Variants in PRR5L observed in about 807,000 individuals in gnomAD.
The protein encoded by PRR5L is proline-rich protein 5-like.
Under a neutral mutation model 36.4 loss-of-function variants are expected in PRR5L, and 21 were observed. The observed-to-expected ratio is 0.58, with a 90% confidence interval of 0.41 to 0.83. The LOEUF (loss-of-function observed/expected upper bound fraction) is 0.83. PRR5L is among the 40% of genes least tolerant of loss of function. PRR5L has a pLI of 0.00. For missense variants in PRR5L, 381 were observed against 473.3 expected (o/e 0.80, Z 1.81); for synonymous variants, 188 against 197.0 (o/e 0.95, Z 0.38).
intron 1 of PRR5L, among the ~76,000 whole-genome samples, chr11:36,379,169 TTAATG>T (rs2133524384): frequency 6.6e-6 from 1 of 152,374 alleles, no homozygotes; most frequent in African/African-American, 2.4e-5. Flanking sequence ...GCTCCTTGAC[TTAATG>T]TATCTTCAGC....
intron 1 of PRR5L, among the ~76,000 whole-genome samples, chr11:36,333,294 A>G (rs536074494): frequency 5.6e-4 from 86 of 152,310 alleles, no homozygotes; most frequent in African/African-American, 2.0e-3. Context: ...TGGGGATGGA[A>G]AATGACACAC....
At chr11:36,422,382 C>T (rs1481779880) in intron 4 of PRR5L, among the ~76,000 whole-genome samples, 1 of 152,100 alleles carries the variant, frequency 6.6e-6, no homozygotes, top group Non-Finnish European at 1.5e-5. Flanking sequence ...GGAATGGAAC[C>T]CAGGGGTGGA....
chr11:36,338,672 G>A (rs1038602181), intron 1 of PRR5L, among the ~76,000 whole-genome samples: 1 of 152,056 alleles, frequency 6.6e-6, no homozygotes, highest in Non-Finnish European at 1.5e-5. Flanking sequence ...CTCTGTGTTG[G>A]GAATTTTGTA....
Position 36,446,283 on chromosome 11 carries a change from T to G in PRR5L, c.445-17T>G. 1.2e-6 allele frequency: 2 copies of G among 1,612,332 alleles called. No individual in the cohort carries two copies. The highest frequency in any genetic ancestry group is 2.2e-5 in the South Asian group (2 of 91,060). On this transcript the variant is annotated splice_polypyrimidine_tract_variant and intron_variant, in intron 6 of 8. Coordinates refer to ENST00000530639, the MANE Select transcript of PRR5L (RefSeq NM_001160167.2). Reference sequence around the variant, plus strand: ...TAAGCTCTCACCTCCCGGCCCTCTCTCCTCTGTCCCCTCTAGGGCCAGGAG... The same window carrying G: ...TAAGCTCTCACCTCCCGGCCCTCTCGCCTCTGTCCCCTCTAGGGCCAGGAG...
intron 1 of PRR5L, among the ~76,000 whole-genome samples, chr11:36,360,669 T>C (rs1446763648): frequency 6.6e-6 from 1 of 152,190 alleles, no homozygotes; most frequent in Non-Finnish European, 1.5e-5. Context: ...TGTGGAATAA[T>C]AGGCTGAATA....
At chr11:36,323,769 C>T (rs930939256) in intron 1 of PRR5L, among the ~76,000 whole-genome samples, 1 of 152,132 alleles carries the variant, frequency 6.6e-6, no homozygotes, top group Non-Finnish European at 1.5e-5. Flanking sequence ...CCAGTAATCC[C>T]AGTTACTTGG....
chr11:36,307,894 T>C (rs932126644), intron 1 of PRR5L, among the ~76,000 whole-genome samples: 1 of 152,262 alleles, frequency 6.6e-6, no homozygotes, highest in East Asian at 1.9e-4. Context: ...TAGAGTTTTC[T>C]CCTTGGAATG....
At chr11:36,329,385 T>C (rs550406814) in intron 1 of PRR5L, 1 of 152,270 alleles carries the variant, frequency 6.6e-6, no homozygotes, top group Admixed American at 6.5e-5. Flanking sequence ...GGAGAAAAAT[T>C]GGAAACATTA....
intron 3 of PRR5L, among the ~76,000 whole-genome samples, chr11:36,413,650 T>C (rs1030086968): frequency 3.7e-4 from 57 of 152,182 alleles, no homozygotes; most frequent in African/African-American, 1.3e-3. Flanking sequence ...AAGGAATACA[T>C]ATGGAAACAC....
intron 1 of PRR5L, among the ~76,000 whole-genome samples, chr11:36,391,334 G>A (rs1857561105): frequency 6.6e-6 from 1 of 152,320 alleles, no homozygotes; most frequent in African/African-American, 2.4e-5. Context: ...CAGCAGGCAG[G>A]GCTGTGCCCC....
intron 1 of PRR5L, among the ~76,000 whole-genome samples, chr11:36,339,735 A>G (rs1007172316): frequency 3.3e-5 from 5 of 152,224 alleles, no homozygotes; most frequent in Non-Finnish European, 5.9e-5. Flanking sequence ...TATGGTAAGA[A>G]GGTGACTGGA....
In PRR5L at chr11:36,463,238, A is replaced by G. The variant is rs1564957679; in HGVS notation, c.*502A>G. 1.3e-5 allele frequency: 2 copies of G among 152,670 alleles called. No individual in the cohort carries two copies. The highest frequency in any genetic ancestry group is 2.9e-5 in the Non-Finnish European group (2 of 68,414). The allele number at this position is 152,670 out of a possible 1,614,324, so 9.5% of individuals were successfully genotyped here. ...CCCCCATTTTGTGTAGAGTGAAAAT[A>G]GCCTGAAGCCCCTACTCAGCAGGGC... On this transcript the variant is annotated 3_prime_UTR_variant, in exon 9 of 9. Coordinates refer to ENST00000530639, the MANE Select transcript of PRR5L (RefSeq NM_001160167.2).
At chr11:36,438,888 T>C (rs1858661591) in intron 6 of PRR5L, among the ~76,000 whole-genome samples, 1 of 152,042 alleles carries the variant, frequency 6.6e-6, no homozygotes, top group Non-Finnish European at 1.5e-5. Context: ...TGAGCTGAGA[T>C]TGCACCACTG....
rs1857288014 is a variant in PRR5L, at chr11:36,377,495, G to T, written c.-125-23502G>T. ...CTAGGGGCCCCGCCCGGGCAGCTGG[G>T]ACCCTGCCTGCCCAACCCTCCGGCC... On this transcript the variant is annotated intron_variant, in intron 1 of 8. Coordinates refer to ENST00000530639, the MANE Select transcript of PRR5L (RefSeq NM_001160167.2). This position sits in a 1 kb window ranked among gnomAD's most constrained non-coding sequence, Gnocchi z 5.1. 1 of 152,336 alleles carries T rather than the reference G, an allele frequency of 6.6e-6. No homozygotes were observed. Among genetic ancestry groups the T allele is most frequent in the Non-Finnish European group, 1.5e-5 (1 of 68,130 alleles). 9.4% of individuals were successfully genotyped at this position (152,336 alleles called of 1,614,324 possible). A position where few individuals can be genotyped will look rare whatever the true frequency, so the allele number is the denominator to read the frequency against.
chr11:36,338,966 A>G (rs1856793724), intron 1 of PRR5L, among the ~76,000 whole-genome samples: 1 of 152,120 alleles, frequency 6.6e-6, no homozygotes, highest in East Asian at 1.9e-4. Context: ...AAGTCTCATG[A>G]GATCTGATGG....
rs893261664 is a variant in PRR5L at position 36,376,105 on chromosome 11, A to T, written c.-125-24892A>T. The T allele has an allele frequency of 6.5e-4, 654 of 1,005,292 alleles. 1 individual carries two copies. Among genetic ancestry groups the T allele is most frequent in the Admixed American group, 8.2e-4 (30 of 36,404 alleles). 62.3% of individuals were successfully genotyped at this position (1,005,292 alleles called of 1,614,324 possible). ...TTGACCTGCTGCATCCTCCTCGGCAATTTTTTTTTTTTAAGTCAAAAAGCT... is the reference window on the plus strand; with the variant it reads ...TTGACCTGCTGCATCCTCCTCGGCATTTTTTTTTTTTTAAGTCAAAAAGCT... On this transcript the variant is annotated intron_variant, in intron 1 of 8. Transcript: ENST00000530639.
chr11:36,335,330 G>A (rs1466024108), intron 1 of PRR5L, among the ~76,000 whole-genome samples: 1 of 152,080 alleles, frequency 6.6e-6, no homozygotes, highest in African/African-American at 2.4e-5. Flanking sequence ...CTCCCAAAGT[G>A]CTGGAATTAT....
At chr11:36,460,436 C>T (rs1439168699) in intron 8 of PRR5L, among the ~76,000 whole-genome samples, 1 of 152,078 alleles carries the variant, frequency 6.6e-6, no homozygotes, top group Non-Finnish European at 1.5e-5. Context: ...CACAGCTCCT[C>T]CTCCCTGCCC....
chr11:36,457,163 A>C (rs1396425156), intron 8 of PRR5L, among the ~76,000 whole-genome samples: 4 of 152,202 alleles, frequency 2.6e-5, no homozygotes, highest in African/African-American at 9.6e-5. Flanking sequence ...TCTGCCAAGC[A>C]AGTTGATTTC....
Sources: allele counts gnomAD v4.1 joint callset (sites outside exome capture counted in the v4.1 genomes callset), GRCh38; gene constraint gnomAD v4.1.1; non-coding constraint Gnocchi (gnomAD v3.1); transcripts MANE v1.5; gene names NCBI Gene and HGNC (gene_info 2026-07-23, HGNC 2026-07-21).